The following KCND2 variants were observed in gnomAD, a reference collection of about 807,000 sequenced individuals.
KCND2 encodes the protein potassium voltage-gated channel subfamily D member 2, also known as A-type voltage-gated potassium channel KCND2.
Under a neutral mutation model 54.4 loss-of-function variants are expected in KCND2, and 16 were observed. The observed-to-expected ratio is 0.29, with a 90% CI of 0.20 to 0.45. The LOEUF (loss-of-function observed/expected upper bound fraction) is 0.45, where lower values mean the gene tolerates loss of function less well. Among genes scored for constraint, KCND2 ranks in the 20% least tolerant of loss-of-function variants. The pLI is 1.00. For synonymous variants in KCND2, 317 were observed against 310.7 expected (o/e 1.02, Z -0.21); for missense variants, 486 against 824.2 (o/e 0.59, Z 5.02).
At chr7:120,278,567 G>T (rs1021729775) in intron 1 of KCND2, among the ~76,000 whole-genome samples, 1 of 151,164 alleles carries the variant, frequency 6.6e-6, no homozygotes, top group African/African-American at 2.4e-5. Context: ...TGTCATTCAG[G>T]ACTGGCAGAA....
Position 120,748,464 on chromosome 7 carries a change from T to C in KCND2, c.*606T>C, listed in dbSNP as rs888535252. ...CAACAAGCTGAGTGTTCATGTTCCA[T>C]GGTGGGCTGTGCAAATAAACTCCTT... On this transcript the variant is annotated 3_prime_UTR_variant, in exon 6 of 6. Coordinates refer to ENST00000331113, the MANE Select transcript of KCND2 (RefSeq NM_012281.3). 8 of 152,932 alleles carry C rather than the reference T, an allele frequency of 5.2e-5. No individual in the cohort carries two copies. The highest frequency in any genetic ancestry group is 1.2e-4 in the Non-Finnish European group (8 of 68,294). 9.5% of individuals were successfully genotyped at this position (152,932 alleles called of 1,614,324 possible).
At chr7:120,293,137 T>C (rs978471158) in intron 1 of KCND2, among the ~76,000 whole-genome samples, 1 of 152,042 alleles carries the variant, frequency 6.6e-6, no homozygotes, top group Non-Finnish European at 1.5e-5. Flanking sequence ...TAAGAAATTC[T>C]TGTAAATTTC....
rs1793041750 is a variant in KCND2 at position 120,749,067 on chromosome 7, C to T, written c.*1209C>T. On this transcript the variant is annotated 3_prime_UTR_variant, in exon 6 of 6. Coordinates refer to ENST00000331113, the MANE Select transcript of KCND2 (RefSeq NM_012281.3). ...CTATGTATTTTATGAACAGAATTGA[C>T]TGGGACTAATATCACAGGATCAATC... 6.6e-6 allele frequency: 1 copy of T among 151,884 alleles called. No individual in the cohort carries two copies. The highest frequency in any genetic ancestry group is 1.5e-5 in the Non-Finnish European group (1 of 67,838). The allele number at this position is 151,884 out of a possible 1,614,324, so 9.4% of individuals were successfully genotyped here.
chr7:120,626,775 T>C (rs1458188802), intron 1 of KCND2, among the ~76,000 whole-genome samples: 1 of 152,170 alleles, frequency 6.6e-6, no homozygotes, highest in Non-Finnish European at 1.5e-5. Context: ...TTTTTAAAAA[T>C]TAGATTATAG....
chr7:120,331,658 G>A (rs955511885), intron 1 of KCND2, among the ~76,000 whole-genome samples: 2 of 151,954 alleles, frequency 1.3e-5, no homozygotes, highest in Non-Finnish European at 2.9e-5. Context: ...AGTAAGTGAA[G>A]AAATTAACAG....
chr7:120,574,678 G>A lies in KCND2; in HGVS notation c.1116-158225G>A, dbSNP rs965317683. On this transcript the variant is annotated intron_variant, in intron 1 of 5. Transcript: ENST00000331113. Reference sequence around the variant, plus strand: ...TGTTAGACTGAGGTGCAGCCTGGGCGTTGGAATTTTTATAGCTTCCAGGTA... The same window carrying A: ...TGTTAGACTGAGGTGCAGCCTGGGCATTGGAATTTTTATAGCTTCCAGGTA... 4.6e-5 allele frequency among the ~76,000 whole-genome samples: 7 copies of A among 152,094 alleles called. No individual in the cohort carries two copies. In the East Asian group the frequency reaches 5.8e-4, roughly 13 times the overall value.
At chr7:120,335,133 G>A (rs908902009) in intron 1 of KCND2, among the ~76,000 whole-genome samples, 1 of 152,088 alleles carries the variant, frequency 6.6e-6, no homozygotes, top group Non-Finnish European at 1.5e-5. Context: ...GGGAGGCCAA[G>A]GTGGGTGAAT....
chr7:120,423,857 A>C (rs1365883314), intron 1 of KCND2, among the ~76,000 whole-genome samples: 1 of 152,074 alleles, frequency 6.6e-6, no homozygotes, highest in Non-Finnish European at 1.5e-5. Flanking sequence ...GGTTTTCTTT[A>C]TTTTCTATCA....
At chr7:120,436,261 G>A (rs929223463) in intron 1 of KCND2, among the ~76,000 whole-genome samples, 33 of 152,084 alleles carry the variant, frequency 2.2e-4, no homozygotes, top group Admixed American at 2.0e-3. Flanking sequence ...AAATATTTTC[G>A]TAATGGACTT....
intron 1 of KCND2, among the ~76,000 whole-genome samples, chr7:120,446,138 T>C (rs2116206757): frequency 6.6e-6 from 1 of 152,248 alleles, no homozygotes; most frequent in Non-Finnish European, 1.5e-5. Flanking sequence ...TCTTTTGTCT[T>C]TTTTATCTGA....
intron 1 of KCND2, among the ~76,000 whole-genome samples, chr7:120,383,337 T>C (rs1338442560): frequency 6.6e-6 from 1 of 152,020 alleles, no homozygotes; most frequent in Non-Finnish European, 1.5e-5. Flanking sequence ...AATTGTCTTA[T>C]TTTCCATTTG....
intron 1 of KCND2, among the ~76,000 whole-genome samples, chr7:120,731,050 C>T (rs1052192782): frequency 2.6e-5 from 4 of 152,102 alleles, no homozygotes; most frequent in Non-Finnish European, 2.9e-5. Flanking sequence ...TGGGTAACTT[C>T]GGCAATAGTA....
chr7:120,372,991 C>T (rs1800784702), intron 1 of KCND2, among the ~76,000 whole-genome samples: 2 of 151,770 alleles, frequency 1.3e-5, no homozygotes, highest in Admixed American at 6.6e-5. Flanking sequence ...AGCTTCATTT[C>T]CCCTCAGGGA....
chr7:120,420,675 C>T (rs934001443), intron 1 of KCND2, among the ~76,000 whole-genome samples: 17 of 152,032 alleles, frequency 1.1e-4, no homozygotes, highest in African/African-American at 3.1e-4. Flanking sequence ...GAGTAAAATC[C>T]GTCATTTGTC....
At position 120,618,545 on chromosome 7, in the gene KCND2, ACT is replaced by A. The variant is rs575030514; in HGVS notation, c.1116-114355_1116-114354del. On this transcript the variant is annotated intron_variant, in intron 1 of 5. Transcript: ENST00000331113. ...TTTTCCAATTGTTAATATAATTAAC[ACT>A]CTTTTTTTTTTAAAGACAGCCATTG... Among the ~76,000 whole-genome samples, 1,409 of 151,486 alleles carry A rather than the reference ACT, an allele frequency of 9.3e-3. 7 individuals carry two copies. The highest frequency in any genetic ancestry group is 0.013 in the Non-Finnish European group (911 of 67,920).
intron 1 of KCND2, among the ~76,000 whole-genome samples, chr7:120,664,501 A>C (rs956505206): frequency 6.6e-6 from 1 of 152,018 alleles, no homozygotes; most frequent in Middle Eastern, 3.2e-3. Context: ...AAAGGAAGGA[A>C]AAGAGAATGG....
intron 1 of KCND2, among the ~76,000 whole-genome samples, chr7:120,363,069 C>A (rs1320398220): frequency 6.6e-6 from 1 of 151,898 alleles, no homozygotes; most frequent in East Asian, 1.9e-4. Flanking sequence ...GGGAGGTCGA[C>A]ATGGGAGGAT....
chr7:120,481,674 C>G (rs1802610142), intron 1 of KCND2, among the ~76,000 whole-genome samples: 1 of 152,162 alleles, frequency 6.6e-6, no homozygotes, highest in Admixed American at 6.5e-5. Flanking sequence ...GAACTCTGCT[C>G]CCTGCATTCT....
chr7:120,742,470 A>T (rs1436063629), intron 3 of KCND2, 40 bp from the exon 4 acceptor site: 1 of 1,534,346 alleles, frequency 6.5e-7, no homozygotes, highest in South Asian at 1.1e-5. Flanking sequence ...GTTGTTTGCA[A>T]ATAAAATAGA....
Sources: allele counts gnomAD v4.1 joint callset (sites outside exome capture counted in the v4.1 genomes callset), GRCh38; gene constraint gnomAD v4.1.1; transcripts MANE v1.5; gene names NCBI Gene and HGNC (gene_info 2026-07-23, HGNC 2026-07-21).